TMC2: variants seen among roughly 807,000 people sequenced by gnomAD.
TMC2 encodes transmembrane channel like 2.
A neutral mutation model predicts 105.9 loss-of-function variants in TMC2; 102 were observed. The observed-to-expected ratio is 0.96, with a 90% CI of 0.82 to 1.14. The LOEUF is 1.14. TMC2 is among the 50% of genes most tolerant of loss of function. The probability of loss-of-function intolerance (pLI) is 0.00; values close to 1 mark genes in which losing one functional copy is unlikely to be tolerated. For missense variants in TMC2, 1,093 were observed against 1,134.3 expected (o/e 0.96, Z 0.52); for synonymous variants, 402 against 422.8 (o/e 0.95, Z 0.60).
At chr20:2,618,232 T>A in intron 16 of TMC2, 1 of 152,826 alleles carries the variant, frequency 6.5e-6, no homozygotes, top group East Asian at 1.9e-4. Flanking sequence ...ATCCACTTTT[T>A]TAGCTCCCAC....
At chr20:2,565,591 C>A (rs979141731) in intron 4 of TMC2, among the ~76,000 whole-genome samples, 1 of 152,186 alleles carries the variant, frequency 6.6e-6, no homozygotes, top group Non-Finnish European at 1.5e-5. Flanking sequence ...CCCTTTGCTA[C>A]CAGTATGATT....
intron 5 of TMC2, 96 bp downstream of exon 5, chr20:2,572,365 G>A: frequency 2.2e-6 from 2 of 913,220 alleles, no homozygotes; most frequent in Non-Finnish European, 3.5e-6. Flanking sequence ...CGCCATTTGT[G>A]TCCAGCTGCC....
intron 14 of TMC2, chr20:2,613,559 G>A (rs2086459359): frequency 2.0e-6 from 1 of 493,146 alleles, no homozygotes; most frequent in East Asian, 4.7e-5. Context: ...CTAGGAAATG[G>A]AGGCATTTGG....
chr20:2,602,225 A>T lies in TMC2; in HGVS notation c.1337A>T (p.Tyr446Phe). 6.2e-7 allele frequency: 1 copy of T among 1,613,590 alleles called. No homozygotes were observed. The highest frequency in any genetic ancestry group is 8.5e-7 in the Non-Finnish European group (1 of 1,179,808). ...LIICCLCGSG[Y>F]LIYFVVKRSQ... ...ATCTGCTGTTTGTGTGGAAGTGGGT[A>T]CCTCATTTACTTTGTGGTTAAGCGA... Residue 446 changes from tyrosine to phenylalanine, a missense_variant, in exon 11 of 20, where the codon TAC becomes TTC. Physicochemically the swap from Tyr to Phe is conservative, Grantham distance 22 (BLOSUM62 3). Transcript: ENST00000358864.
chr20:2,614,629 T>G lies in TMC2; in HGVS notation c.1872+1307T>G, dbSNP rs1021368447. ...AAAAGATGAATAAAAGGAACTAGAC[T>G]TACCATAATACTAAAACATATGATA... On this transcript the variant is annotated intron_variant, in intron 14 of 19. Coordinates refer to ENST00000358864, the MANE Select transcript of TMC2 (RefSeq NM_080751.3). Among the ~76,000 whole-genome samples the G allele has an allele frequency of 5.9e-5, 9 of 152,164 alleles. No homozygotes were observed. In the East Asian group the frequency reaches 1.7e-3, roughly 29 times the overall value.
chr20:2,613,433 G>A lies in TMC2; in HGVS notation c.1872+111G>A, dbSNP rs776072742. On this transcript the variant is annotated intron_variant, in intron 14 of 19. Transcript: ENST00000358864. Reference sequence around the variant, plus strand: ...TTCATTTCTTTGGAAGCTTAATGACGGTCTCTGCTCTGTAGAGTAGTAAAG... The same window carrying A: ...TTCATTTCTTTGGAAGCTTAATGACAGTCTCTGCTCTGTAGAGTAGTAAAG... 177 of 1,479,844 alleles carry A rather than the reference G, an allele frequency of 1.2e-4. 1 individual carries two copies. The South Asian group carries it at 1.2e-3, about 10-fold the overall frequency. The allele number at this position is 1,479,844 out of a possible 1,614,324, so 91.7% of individuals were successfully genotyped here. A position where few individuals can be genotyped will look rare whatever the true frequency, so the allele number is the denominator to read the frequency against.
intron 8 of TMC2, 56 bp from the exon 9 acceptor site, chr20:2,594,769 G>A: frequency 6.4e-7 from 1 of 1,574,144 alleles, no homozygotes; most frequent in Non-Finnish European, 8.6e-7. Flanking sequence ...GACATGTCTG[G>A]TAACCACCAG....
chr20:2,589,324 G>GTGTGTGTGTGTGTGTGTGTGT (rs71193978), intron 7 of TMC2, among the ~76,000 whole-genome samples: 70 of 148,914 alleles, frequency 4.7e-4, no homozygotes, highest in East Asian at 1.6e-3. Context: ...GTGTGTGTGT[G>GTGTGTGTGTGTGTGTGTGTGT]GAGATGGGGT....
intron 7 of TMC2, 27 bp downstream of exon 7, chr20:2,580,083 G>A: frequency 6.8e-7 from 1 of 1,479,086 alleles, no homozygotes; most frequent in South Asian, 1.1e-5. Flanking sequence ...CTAAATCTTT[G>A]GATAGAGTTA....
chr20:2,572,752 C>T (rs952611461), intron 5 of TMC2, among the ~76,000 whole-genome samples: 1 of 152,124 alleles, frequency 6.6e-6, no homozygotes, highest in Non-Finnish European at 1.5e-5. Context: ...GTGAGACTTA[C>T]TGAAGTATCC....
At chr20:2,600,618 C>A (rs1037709517) in intron 10 of TMC2, among the ~76,000 whole-genome samples, 3 of 152,044 alleles carry the variant, frequency 2.0e-5, no homozygotes, top group Non-Finnish European at 4.4e-5. Flanking sequence ...GTCAAGAGAT[C>A]GAGACCATCC....
chr20:2,559,019 G>T (rs1244545998), intron 3 of TMC2, among the ~76,000 whole-genome samples: 1 of 152,228 alleles, frequency 6.6e-6, no homozygotes, highest in African/African-American at 2.4e-5. Context: ...CCACTCCAGC[G>T]CCTCGTGGCA....
intron 6 of TMC2, among the ~76,000 whole-genome samples, 157 bp downstream of exon 6, chr20:2,579,384 T>TTTTA (rs140358031): frequency 0.063 from 9,341 of 147,236 alleles, 313 homozygotes; most frequent in East Asian, 0.083. Context: ...AAGATTTATT[T>TTTTA]TTTATTTATT....
chr20:2,615,346 C>A (rs2086472467), intron 14 of TMC2, among the ~76,000 whole-genome samples: 1 of 152,176 alleles, frequency 6.6e-6, no homozygotes, highest in African/African-American at 2.4e-5. Flanking sequence ...AAGACTTCAC[C>A]CCGTGGACTT....
chr20:2,581,764 G>A (rs192769233), intron 7 of TMC2, among the ~76,000 whole-genome samples: 1 of 152,168 alleles, frequency 6.6e-6, no homozygotes, highest in South Asian at 2.1e-4. Context: ...CAATTTTAAG[G>A]ACACTCGGTT....
chr20:2,627,835 AAAC>A (rs769377061), intron 17 of TMC2, among the ~76,000 whole-genome samples: 1 of 152,180 alleles, frequency 6.6e-6, no homozygotes, highest in Non-Finnish European at 1.5e-5. Flanking sequence ...CCTAGCACCA[AAAC>A]AACAACAAAA....
chr20:2,536,765 G>C, intron 1 of TMC2, 110 bp downstream of exon 1: 2 of 1,239,492 alleles, frequency 1.6e-6, no homozygotes, highest in East Asian at 2.5e-5. Flanking sequence ...AGCTGGGTTT[G>C]AGTCCAGGGC....
chr20:2,637,665 G>A, intron 19 of TMC2, 74 bp downstream of exon 19: 1 of 994,038 alleles, frequency 1.0e-6, no homozygotes. Flanking sequence ...GAAACAGCGT[G>A]AAATCAGACT....
chr20:2,637,046 T>G (rs1346985731), intron 18 of TMC2, among the ~76,000 whole-genome samples: 1 of 152,016 alleles, frequency 6.6e-6, no homozygotes, highest in Non-Finnish European at 1.5e-5. Flanking sequence ...GGCTGCCCTC[T>G]CCAATCAGTT....
Sources: gnomAD v4.1 joint callset for allele counts (sites outside exome capture counted in the v4.1 genomes callset) on GRCh38, gnomAD v4.1.1 for gene constraint, MANE v1.5 for transcripts, NCBI Gene and HGNC (gene_info 2026-07-23, HGNC 2026-07-21) for gene names.